UGGT1: variants seen among roughly 807,000 people sequenced by gnomAD.
The protein encoded by UGGT1 is UDP-glucose:glycoprotein glucosyltransferase 1.
In UGGT1, 107 loss-of-function variants were observed where a neutral mutation model predicts 203.9. The observed-to-expected ratio is 0.52, with a 90% CI of 0.45 to 0.62. The LOEUF is 0.62. Ranked by LOEUF, UGGT1 falls within the 20% of genes least tolerant of loss-of-function variation. The probability of loss-of-function intolerance (pLI) is 0.00; values close to 1 mark genes in which losing one functional copy is unlikely to be tolerated. For missense variants in UGGT1, 1,673 were observed against 1,867.2 expected (o/e 0.90, Z 1.92); for synonymous variants, 628 against 653.5 (o/e 0.96, Z 0.59).
intron 13 of UGGT1, among the ~76,000 whole-genome samples, chr2:128,131,730 C>T (rs1442197664): frequency 3.3e-5 from 5 of 151,878 alleles, no homozygotes; most frequent in African/African-American, 4.8e-5. Flanking sequence ...CAGGTTCAAA[C>T]GATTCTCCTG....
rs559606455 is a variant in UGGT1 at position 128,115,184 on chromosome 2, A to G, written c.757A>G (p.Thr253Ala). 6.2e-7 allele frequency: 1 copy of G among 1,614,082 alleles called. No individual in the cohort carries two copies. The highest frequency in any genetic ancestry group is 1.1e-5 in the South Asian group (1 of 91,078). The stretch of plus-strand genomic sequence containing the variant: ...TGGCGTGGAATTGGCCATTAAGAGC[A>G]CTGAGTACAAGGCCAAGGATGATAC... ...GYGVELAIKS[T>A]EYKAKDDTQV... The change falls in exon 7 of 41, where the codon ACT becomes GCT. Residue 253 changes from threonine (T) to alanine (A), a missense_variant. Physicochemically the swap from Thr to Ala is moderately conservative, Grantham distance 58 (BLOSUM62 0). Coordinates refer to ENST00000259253, the MANE Select transcript of UGGT1 (RefSeq NM_020120.4).
In UGGT1 at chr2:128,153,729, C is replaced by T. The variant is rs1158064060; in HGVS notation, c.2137+825C>T. On this transcript the variant is annotated intron_variant, in intron 19 of 40. Transcript: ENST00000259253. ...GGATAGTCCACATATATCTGTTCCT[C>T]AGTTGGTGGACAGTTGGCAGTTTTC... 3.9e-5 allele frequency among the ~76,000 whole-genome samples: 6 copies of T among 152,180 alleles called. No individual in the cohort carries two copies. The East Asian group carries it at 5.8e-4, about 15-fold the overall frequency.
chr2:128,154,827 T>C (rs560232064), intron 19 of UGGT1, among the ~76,000 whole-genome samples: 17 of 152,196 alleles, frequency 1.1e-4, no homozygotes, highest in African/African-American at 3.9e-4. Context: ...TGTTTAAGAT[T>C]GGGGAGATTG....
chr2:128,155,883 G>T (rs1237716264), intron 20 of UGGT1, among the ~76,000 whole-genome samples: 1 of 152,156 alleles, frequency 6.6e-6, no homozygotes, highest in Non-Finnish European at 1.5e-5. Flanking sequence ...AAAAACATTT[G>T]TGATGTAAAA....
chr2:128,136,232 A>G lies in UGGT1; in HGVS notation c.1583+1271A>G, dbSNP rs72848155. Among the ~76,000 whole-genome samples, 1,033 of 152,342 alleles carry G rather than the reference A, an allele frequency of 6.8e-3. 9 individuals are homozygous for G. Among genetic ancestry groups the G allele is most frequent in the Middle Eastern group, 0.02 (6 of 294 alleles). ...AAATATTGATACATTATTATTAACTAAACTCCATAGTTTACATTAAGATTT... is the reference window on the plus strand; with the variant it reads ...AAATATTGATACATTATTATTAACTGAACTCCATAGTTTACATTAAGATTT... On this transcript the variant is annotated intron_variant, in intron 15 of 40. Coordinates refer to ENST00000259253, the MANE Select transcript of UGGT1 (RefSeq NM_020120.4).
At chr2:128,179,958 T>G in intron 35 of UGGT1, 88 bp downstream of exon 35, 1 of 1,236,848 alleles carries the variant, frequency 8.1e-7, no homozygotes, top group African/African-American at 1.5e-5. Flanking sequence ...CTGTATACTT[T>G]AGCAAATTTT....
chr2:128,129,252 T>C (rs898183542), intron 13 of UGGT1, 73 bp downstream of exon 13: 1 of 1,509,162 alleles, frequency 6.6e-7, no homozygotes, highest in African/African-American at 1.4e-5. Flanking sequence ...ATTTGTCTCT[T>C]ATGAGGGTGA....
At position 128,108,008 on chromosome 2, in the gene UGGT1, T is replaced by C; in HGVS notation, c.348T>C (p.Asn116=). 6.2e-7 allele frequency: 1 copy of C among 1,614,188 alleles called. No homozygotes were observed. Among genetic ancestry groups the C allele is most frequent in the Non-Finnish European group, 8.5e-7 (1 of 1,180,028 alleles). ...AFQFLSPLQQ[N]LFKFCLSLRS... ...AGTTTCTGTCACCCCTCCAGCAGAA[T>C]TTGTTTAAATTTTGTCTGTCCCTTC... The change falls in exon 4 of 41, where the codon AAT becomes AAC. Residue 116 remains asparagine (N), a synonymous_variant. Transcript: ENST00000259253.
intron 9 of UGGT1, 100 bp downstream of exon 9, chr2:128,120,556 C>T: frequency 1.2e-6 from 1 of 840,490 alleles, no homozygotes; most frequent in Non-Finnish European, 1.9e-6. Context: ...GTACGTGATT[C>T]TGAAGGTGCC....
At chr2:128,106,935 G>A (rs1009348053) in intron 3 of UGGT1, among the ~76,000 whole-genome samples, 11 of 151,926 alleles carry the variant, frequency 7.2e-5, no homozygotes, top group Admixed American at 1.3e-4. Flanking sequence ...CTCCTGCCTC[G>A]GCCTCCTAAA....
At chr2:128,112,934 A>G (rs555508007) in intron 5 of UGGT1, 150 bp from the exon 6 acceptor site, 1 of 629,830 alleles carries the variant, frequency 1.6e-6, no homozygotes, top group East Asian at 3.3e-5. Flanking sequence ...TAATCTTAGT[A>G]AGTGAAAAAT....
intron 14 of UGGT1, 39 bp downstream of exon 14, chr2:128,133,299 T>C: frequency 6.4e-7 from 1 of 1,554,974 alleles, no homozygotes; most frequent in Non-Finnish European, 8.7e-7. Context: ...ACTCTGTTTC[T>C]CCCTTGCCTA....
intron 25 of UGGT1, among the ~76,000 whole-genome samples, chr2:128,162,603 G>T (rs1338639168): frequency 6.6e-6 from 1 of 152,090 alleles, no homozygotes; most frequent in East Asian, 1.9e-4. Context: ...CAATACTGGG[G>T]CTACAAATAA....
chr2:128,191,569 T>C lies in UGGT1; in HGVS notation c.*1827T>C, dbSNP rs1313405789. 6.6e-6 allele frequency: 1 copy of C among 152,348 alleles called. No individual in the cohort carries two copies. The highest frequency in any genetic ancestry group is 6.5e-5 in the Admixed American group (1 of 15,272). The allele number at this position is 152,348 out of a possible 1,614,324, so 9.4% of individuals were successfully genotyped here. A position where few individuals can be genotyped will look rare whatever the true frequency, so the allele number is the denominator to read the frequency against. ...GATGGGATCAGTAAGATTAAAAAAC[T>C]TTTGTTCGGCCAGGCGTGGTGGCTC... On this transcript the variant is annotated 3_prime_UTR_variant, in exon 41 of 41. Coordinates refer to ENST00000259253, the MANE Select transcript of UGGT1 (RefSeq NM_020120.4).
chr2:128,168,957 G>A (rs753151432), intron 26 of UGGT1, among the ~76,000 whole-genome samples: 7 of 150,508 alleles, frequency 4.7e-5, no homozygotes, highest in Non-Finnish European at 7.4e-5. Flanking sequence ...TGGGGCGCGA[G>A]GATTGCTTGA....
chr2:128,191,621 G>A lies in UGGT1; in HGVS notation c.*1879G>A, dbSNP rs6728953. ...CACCTGTAATCCCAGCACTTTGGGA[G>A]GCTGAGGCGGACGGATCATGAGGTC... On this transcript the variant is annotated 3_prime_UTR_variant, in exon 41 of 41. Coordinates refer to ENST00000259253, the MANE Select transcript of UGGT1 (RefSeq NM_020120.4). 0.1 allele frequency: 15,603 copies of A among 152,292 alleles called. 1,654 individuals are homozygous for A. The highest frequency in any genetic ancestry group is 0.26 in the African/African-American group (10,748 of 41,466). 9.4% of individuals were successfully genotyped at this position (152,292 alleles called of 1,614,324 possible).
rs57080595 is a variant in UGGT1, at chr2:128,146,220, A to G, written c.2016+253A>G. ...TAGCTACTCAGGAAGCTTAGGTGGA[A>G]GGATCGCTTGAGCCCAGGAGTTTAA... On this transcript the variant is annotated intron_variant, in intron 18 of 40. Transcript: ENST00000259253. Among the ~76,000 whole-genome samples the G allele has an allele frequency of 4.1e-3, 630 of 152,180 alleles. 6 individuals carry two copies. The highest frequency in any genetic ancestry group is 0.013 in the African/African-American group (553 of 41,538).
intron 1 of UGGT1, among the ~76,000 whole-genome samples, chr2:128,095,533 G>T (rs1422510429): frequency 2.0e-5 from 3 of 148,804 alleles, no homozygotes; most frequent in Non-Finnish European, 4.4e-5. Flanking sequence ...CTCCTGTCCC[G>T]TAACTCCTCC....
rs751019703 is a variant in UGGT1 at position 128,117,987 on chromosome 2, TGTGTGTGAGAGA to T, written c.872+1646_872+1657del. On this transcript the variant is annotated intron_variant, in intron 8 of 40. Coordinates refer to ENST00000259253, the MANE Select transcript of UGGT1 (RefSeq NM_020120.4). ...GTGTGTGTGTGTGTGTCTGTGTGTG[TGTGTGTGAGAGA>T]GAGAGAGAGAGAGAGAGGGAAAGAG... Among the ~76,000 whole-genome samples, 686 of 71,266 alleles carry T rather than the reference TGTGTGTGAGAGA, an allele frequency of 9.6e-3. 5 individuals carry two copies. The highest frequency in any genetic ancestry group is 0.035 in the East Asian group (39 of 1,106). The allele number at this position is 71,266 out of a possible 152,430, so 46.8% of individuals were successfully genotyped here.
Sources: allele counts gnomAD v4.1 joint callset (sites outside exome capture counted in the v4.1 genomes callset), GRCh38; gene constraint gnomAD v4.1.1; transcripts MANE v1.5; gene names NCBI Gene and HGNC (gene_info 2026-07-23, HGNC 2026-07-21).